ARHGEF12: variants seen among roughly 807,000 people sequenced by gnomAD.
ARHGEF12 encodes Rho guanine nucleotide exchange factor 12.
A neutral mutation model predicts 211.2 loss-of-function variants in ARHGEF12; 66 were observed. The ratio of observed to expected loss-of-function variants is 0.31; its 90% CI spans 0.26 to 0.38. The LOEUF (loss-of-function observed/expected upper bound fraction) is 0.38. Ranked by LOEUF, ARHGEF12 falls within the 10% of genes least tolerant of loss-of-function variation. The pLI, the probability that ARHGEF12 is intolerant of heterozygous loss-of-function variation, is 1.00. For missense variants in ARHGEF12, 1,429 were observed against 1,869.5 expected (o/e 0.76, Z 4.34); for synonymous variants, 592 against 638.4 (o/e 0.93, Z 1.09).
At chr11:120,390,923 A>C (rs1286651000) in intron 1 of ARHGEF12, among the ~76,000 whole-genome samples, 1 of 152,232 alleles carries the variant, frequency 6.6e-6, no homozygotes, top group Admixed American at 6.5e-5. Context: ...TATTGTTAAA[A>C]TTAAATGAAT....
chr11:120,427,030 C>T (rs917340154), intron 7 of ARHGEF12, among the ~76,000 whole-genome samples: 5 of 152,068 alleles, frequency 3.3e-5, no homozygotes, highest in African/African-American at 1.2e-4. Context: ...GCATGTGCCA[C>T]CACGCCCGGC....
chr11:120,443,467 G>T (rs1006238739), intron 15 of ARHGEF12, among the ~76,000 whole-genome samples: 7 of 152,092 alleles, frequency 4.6e-5, no homozygotes, highest in African/African-American at 1.7e-4. Context: ...ATTCACATTA[G>T]TCTGCAAATG....
rs1490378629 is a variant in ARHGEF12 at position 120,362,635 on chromosome 11, A to G, written c.32+25360A>G. On this transcript the variant is annotated intron_variant, in intron 1 of 40. Coordinates refer to ENST00000397843, the MANE Select transcript of ARHGEF12 (RefSeq NM_015313.3). ...CTTGTCACTGAAAAAAAATTCTGTCAAATTAGACGTGTATACAAAACAATT... is the reference window on the plus strand; with the variant it reads ...CTTGTCACTGAAAAAAAATTCTGTCGAATTAGACGTGTATACAAAACAATT... Among the ~76,000 whole-genome samples, 4 of 152,230 alleles carry G rather than the reference A, an allele frequency of 2.6e-5. No homozygotes were observed. In the East Asian group the frequency reaches 7.7e-4, roughly 29 times the overall value.
chr11:120,342,722 G>A (rs1942572720), intron 1 of ARHGEF12, among the ~76,000 whole-genome samples: 1 of 152,140 alleles, frequency 6.6e-6, no homozygotes, highest in Non-Finnish European at 1.5e-5. Flanking sequence ...CAAACAGCAT[G>A]ATTACCAAAT....
chr11:120,484,984 C>T, intron 40 of ARHGEF12, 83 bp from the exon 41 acceptor site: 4 of 1,429,638 alleles, frequency 2.8e-6, no homozygotes, highest in Non-Finnish European at 3.9e-6. Context: ...TTGAACCACG[C>T]CCACAGATGT....
At chr11:120,358,445 A>T (rs550663150) in intron 1 of ARHGEF12, among the ~76,000 whole-genome samples, 1 of 152,188 alleles carries the variant, frequency 6.6e-6, no homozygotes, top group South Asian at 2.1e-4. Context: ...TGTTTGGCTG[A>T]CTGATAAGAT....
intron 1 of ARHGEF12, among the ~76,000 whole-genome samples, chr11:120,387,051 T>C (rs1202314456): frequency 6.6e-6 from 1 of 152,040 alleles, no homozygotes; most frequent in Non-Finnish European, 1.5e-5. Context: ...AACTGAGTGA[T>C]TGAGCAAATC....
chr11:120,407,981 G>A, intron 3 of ARHGEF12, 158 bp downstream of exon 3: 2 of 547,390 alleles, frequency 3.7e-6, no homozygotes, highest in African/African-American at 1.9e-5. Context: ...GCATTTAGTA[G>A]GAATGCAAGC....
intron 22 of ARHGEF12, among the ~76,000 whole-genome samples, chr11:120,455,493 CA>C (rs1176282427): frequency 6.6e-6 from 1 of 152,166 alleles, no homozygotes; most frequent in African/African-American, 2.4e-5. Context: ...AGCTATTCAT[CA>C]AATATGAAGA....
At chr11:120,444,440 G>A (rs1945983692) in intron 15 of ARHGEF12, among the ~76,000 whole-genome samples, 2 of 152,072 alleles carry the variant, frequency 1.3e-5, no homozygotes, top group African/African-American at 2.4e-5. Flanking sequence ...ACAGAAATGA[G>A]CTTTTATTAC....
intron 19 of ARHGEF12, 88 bp downstream of exon 19, chr11:120,447,994 T>C: frequency 9.2e-7 from 1 of 1,082,062 alleles, no homozygotes; most frequent in East Asian, 2.5e-5. Flanking sequence ...AATTTATTTC[T>C]TTTAACTTAC....
chr11:120,440,967 A>G (rs948029025), intron 13 of ARHGEF12, among the ~76,000 whole-genome samples: 6 of 152,116 alleles, frequency 3.9e-5, no homozygotes, highest in Non-Finnish European at 8.8e-5. Context: ...TTGTCTATTA[A>G]TATGGTAAGT....
At chr11:120,468,182 T>C (rs1239988392) in intron 29 of ARHGEF12, among the ~76,000 whole-genome samples, 1 of 152,254 alleles carries the variant, frequency 6.6e-6, no homozygotes, top group Non-Finnish European at 1.5e-5. Flanking sequence ...TAGGTTCTTA[T>C]ACTTAGCTCT....
Position 120,472,995 on chromosome 11 carries a change from A to G in ARHGEF12, c.2956-55A>G, listed in dbSNP as rs183145508. On this transcript the variant is annotated intron_variant, in intron 30 of 40. Transcript: ENST00000397843. ...AATGCCAAGTTTGATTCAGAAATAG[A>G]GAGGTCATTAATGACCAAAGCACTA... 91 of 1,495,164 alleles carry G rather than the reference A, an allele frequency of 6.1e-5. No homozygotes were observed. In the African/African-American group the frequency reaches 8.1e-4, roughly 13 times the overall value. 92.6% of individuals were successfully genotyped at this position (1,495,164 alleles called of 1,614,324 possible). A position where few individuals can be genotyped will look rare whatever the true frequency, so the allele number is the denominator to read the frequency against.
intron 36 of ARHGEF12, among the ~76,000 whole-genome samples, chr11:120,477,862 C>CAAAAAAAA (rs528182938): frequency 2.2e-4 from 15 of 69,262 alleles, no homozygotes; most frequent in East Asian, 3.3e-4. Context: ...ACCGAAACAC[C>CAAAAAAAA]AAAAAAAAAA....
rs60696268 is a variant in ARHGEF12, at chr11:120,447,775, C to T, written c.1590-99C>T. 530 of 769,472 alleles carry T rather than the reference C, an allele frequency of 6.9e-4. 1 individual carries two copies. The African/African-American group carries it at 8.5e-3, about 12-fold the overall frequency. 47.7% of individuals were successfully genotyped at this position (769,472 alleles called of 1,614,324 possible). ...AGGTTGCAGTGAGCCAGGATCATGC[C>T]ATTGCACTCCAGCCTGGGTGGCAGA... is the stretch of plus-strand genomic sequence containing the variant. On this transcript the variant is annotated intron_variant, in intron 18 of 40. Transcript: ENST00000397843.
At chr11:120,371,224 C>T (rs1943580484) in intron 1 of ARHGEF12, among the ~76,000 whole-genome samples, 2 of 152,320 alleles carry the variant, frequency 1.3e-5, no homozygotes, top group South Asian at 4.1e-4. Context: ...TGCGGTGGCT[C>T]ATGCCTGTAA....
At chr11:120,445,750 T>G (rs1946024905) in intron 16 of ARHGEF12, among the ~76,000 whole-genome samples, 1 of 151,922 alleles carries the variant, frequency 6.6e-6, no homozygotes, top group South Asian at 2.1e-4. Context: ...AATACAAAAA[T>G]GAGCTGGCAT....
intron 22 of ARHGEF12, among the ~76,000 whole-genome samples, chr11:120,455,416 C>A (rs1022501087): frequency 1.3e-5 from 2 of 152,154 alleles, no homozygotes; most frequent in African/African-American, 4.8e-5. Flanking sequence ...TGCTGAAATA[C>A]AAAAGAGCCA....
Sources: allele counts gnomAD v4.1 joint callset (sites outside exome capture counted in the v4.1 genomes callset), GRCh38; gene constraint gnomAD v4.1.1; transcripts MANE v1.5; gene names NCBI Gene and HGNC (gene_info 2026-07-23, HGNC 2026-07-21).